The following SGK3 variants were observed in gnomAD, a reference collection of about 807,000 sequenced individuals.
The protein encoded by SGK3 is serine/threonine-protein kinase Sgk3.
A neutral mutation model predicts 68.5 loss-of-function variants in SGK3; 47 were observed. That is an observed-to-expected ratio of 0.69 (90% CI 0.54 to 0.87). The LOEUF is 0.87. SGK3 is among the 40% of genes least tolerant of loss of function. SGK3 has a pLI of 0.00. For missense variants in SGK3, 479 were observed against 575.5 expected (o/e 0.83, Z 1.72); for synonymous variants, 181 against 189.1 (o/e 0.96, Z 0.35).
chr8:66,764,549 C>CA (rs1806262466), intron 1 of SGK3, among the ~76,000 whole-genome samples: 1 of 152,182 alleles, frequency 6.6e-6, no homozygotes. Flanking sequence ...TGACTCACTA[C>CA]AGCCTCAACC....
intron 1 of SGK3, among the ~76,000 whole-genome samples, chr8:66,784,215 G>A (rs1324688934): frequency 1.3e-5 from 2 of 152,126 alleles, no homozygotes; most frequent in South Asian, 2.1e-4. Flanking sequence ...TGCAATTTAT[G>A]TGCATGGATT....
At chr8:66,776,913 C>G (rs1179477052) in intron 1 of SGK3, among the ~76,000 whole-genome samples, 1 of 152,200 alleles carries the variant, frequency 6.6e-6, no homozygotes, top group Non-Finnish European at 1.5e-5. Flanking sequence ...ATGCAGCCCT[C>G]TTCTCCCAGG....
chr8:66,745,482 C>T (rs948908110), intron 1 of SGK3, among the ~76,000 whole-genome samples: 15 of 151,832 alleles, frequency 9.9e-5, no homozygotes, highest in Non-Finnish European at 1.8e-4. Context: ...GCTGAGGCAG[C>T]AGAATGGCAT....
chr8:66,802,032 C>T (rs1285479869), intron 3 of SGK3, among the ~76,000 whole-genome samples: 1 of 152,116 alleles, frequency 6.6e-6, no homozygotes, highest in South Asian at 2.1e-4. Context: ...GAAGAGTTTC[C>T]TTAACTTGTA....
chr8:66,809,754 C>T (rs544012405), intron 4 of SGK3, among the ~76,000 whole-genome samples: 36 of 152,312 alleles, frequency 2.4e-4, no homozygotes, highest in African/African-American at 8.2e-4. Context: ...GGAAAATCCT[C>T]GTACAACTTC....
rs1292445654 is a variant in SGK3, at chr8:66,859,419, A to G, written c.1329A>G (p.Pro443=). ...PPPFNPNVAG[P]DDIRNFDTAF... ...TGCTTTTGATGTTTTAGGCTGGACC[A>G]GATGATATCAGAAACTTTGACACAG... is the stretch of plus-strand genomic sequence containing the variant. Residue 443 remains proline, a synonymous_variant, in exon 17 of 17, where the codon CCA becomes CCG. Coordinates refer to ENST00000521198, the MANE Select transcript of SGK3 (RefSeq NM_001033578.3). 1.3e-5 allele frequency: 21 copies of G among 1,607,666 alleles called. No homozygotes were observed. Among genetic ancestry groups the G allele is most frequent in the Non-Finnish European group, 1.6e-5 (19 of 1,175,786 alleles).
chr8:66,732,041 C>G (rs1321227068), intron 1 of SGK3, among the ~76,000 whole-genome samples: 1 of 151,920 alleles, frequency 6.6e-6, no homozygotes, highest in Non-Finnish European at 1.5e-5. Flanking sequence ...GTTGAGAGGA[C>G]ATCTCAAAAA....
At chr8:66,755,578 T>C (rs762819899) in intron 1 of SGK3, among the ~76,000 whole-genome samples, 80 of 151,964 alleles carry the variant, frequency 5.3e-4, no homozygotes, top group Non-Finnish European at 9.6e-4. Flanking sequence ...GAATCCTTCC[T>C]GGTGGTCTTG....
At chr8:66,856,309 C>T (rs1157843465) in intron 16 of SGK3, among the ~76,000 whole-genome samples, 1 of 152,060 alleles carries the variant, frequency 6.6e-6, no homozygotes, top group Non-Finnish European at 1.5e-5. Flanking sequence ...CCTTGTGATC[C>T]GCCTGCCTCA....
intron 1 of SGK3, among the ~76,000 whole-genome samples, chr8:66,788,338 C>T (rs1296067626): frequency 6.6e-6 from 1 of 152,192 alleles, no homozygotes; most frequent in Non-Finnish European, 1.5e-5. Context: ...TACATAGTCT[C>T]TTGGTTTTCC....
At chr8:66,730,155 G>T (rs1367083953) in intron 1 of SGK3, among the ~76,000 whole-genome samples, 1 of 152,018 alleles carries the variant, frequency 6.6e-6, no homozygotes, top group Non-Finnish European at 1.5e-5. Context: ...AGCCATTTCA[G>T]TGCATGTAAA....
intron 1 of SGK3, among the ~76,000 whole-genome samples, chr8:66,725,014 CAGG>C: frequency 1.3e-5 from 2 of 152,224 alleles, no homozygotes; most frequent in South Asian, 4.1e-4. Context: ...ATCACAAGGT[CAGG>C]AGATCGAGAC....
At chr8:66,777,475 C>T (rs1806758555) in intron 1 of SGK3, among the ~76,000 whole-genome samples, 1 of 152,130 alleles carries the variant, frequency 6.6e-6, no homozygotes, top group African/African-American at 2.4e-5. Context: ...CCTATTTTCC[C>T]CTCCCTCCAT....
intron 16 of SGK3, among the ~76,000 whole-genome samples, chr8:66,852,277 C>CTTTTT (rs1204346785): frequency 1.3e-4 from 14 of 107,196 alleles, no homozygotes; most frequent in African/African-American, 1.9e-4. Flanking sequence ...TTAAGGAATC[C>CTTTTT]TTTTTTTTTT....
Position 66,850,825 on chromosome 8 carries a change from T to C in SGK3, c.1231-6T>C, listed in dbSNP as rs1455023981. ...TTAGTAAAACAAATTTTTTTTAATA[T>C]TCCAGCTTGAAATTCAGAATCATCC... On this transcript the variant is annotated splice_polypyrimidine_tract_variant and splice_region_variant and intron_variant, in intron 15 of 16. Transcript: ENST00000521198. 6.3e-7 allele frequency: 1 copy of C among 1,593,844 alleles called. No homozygotes were observed. The highest frequency in any genetic ancestry group is 1.7e-5 in the Admixed American group (1 of 57,996).
chr8:66,717,215 AAAACAAAAAAAACAAAAAAAAC>A (rs1409126801), intron 1 of SGK3, among the ~76,000 whole-genome samples: 5,237 of 140,606 alleles, frequency 0.037, 508 homozygotes, highest in African/African-American at 0.14. Context: ...CTGAAAAAAA[AAAACAAAAAAAACAAAAAAAAC>A]AAAAAAAAAA....
chr8:66,713,946 C>T (rs577531081), intron 1 of SGK3, among the ~76,000 whole-genome samples: 2 of 152,156 alleles, frequency 1.3e-5, no homozygotes, highest in Non-Finnish European at 1.5e-5. Flanking sequence ...GAGCCTGGAG[C>T]TCCTGGGAAT....
intron 10 of SGK3, among the ~76,000 whole-genome samples, chr8:66,839,498 GAT>G (rs58832541): frequency 1.7e-3 from 70 of 41,502 alleles, no homozygotes; most frequent in African/African-American, 2.0e-3. Flanking sequence ...TATGTATGGA[GAT>G]ATATATATAT....
chr8:66,771,112 G>C (rs1409792044), intron 1 of SGK3, among the ~76,000 whole-genome samples: 1 of 152,082 alleles, frequency 6.6e-6, no homozygotes, highest in African/African-American at 2.4e-5. Flanking sequence ...ATGTTGGCTG[G>C]ATTCAGAAGT....
Sources: allele counts gnomAD v4.1 joint callset (sites outside exome capture counted in the v4.1 genomes callset), GRCh38; gene constraint gnomAD v4.1.1; transcripts MANE v1.5; gene names NCBI Gene and HGNC (gene_info 2026-07-23, HGNC 2026-07-21).